Variants in DAB1 observed in about 807,000 individuals in gnomAD.
DAB1 encodes disabled homolog 1.
In DAB1, 15 loss-of-function variants were observed where a neutral mutation model predicts 64.6. The observed-to-expected ratio is 0.23, with a 90% CI of 0.16 to 0.36. The LOEUF (loss-of-function observed/expected upper bound fraction) is 0.36, where lower values mean the gene tolerates loss of function less well. Among genes scored for constraint, DAB1 ranks in the 10% least tolerant of loss-of-function variants. The pLI is 1.00. For synonymous variants in DAB1, 235 were observed against 251.9 expected, an observed-to-expected ratio of 0.93 and a Z score of 0.64; for missense variants, 596 against 706.7, an observed-to-expected ratio of 0.84 and a Z score of 1.78.
intron 4 of DAB1, among the ~76,000 whole-genome samples, chr1:58,167,918 C>T (rs770852729): frequency 6.6e-6 from 1 of 152,204 alleles, no homozygotes; most frequent in Non-Finnish European, 1.5e-5. Flanking sequence ...AACTGTAACA[C>T]TCACTGTGAG....
At chr1:58,411,226 A>G (rs1644664289) in intron 3 of DAB1, among the ~76,000 whole-genome samples, 1 of 152,192 alleles carries the variant, frequency 6.6e-6, no homozygotes, top group South Asian at 2.1e-4. Context: ...CAAAATCCTG[A>G]ATATCACATA....
chr1:57,336,221 C>T (rs1003957371), intron 1 of DAB1, among the ~76,000 whole-genome samples: 1 of 152,270 alleles, frequency 6.6e-6, no homozygotes, highest in South Asian at 2.1e-4. Flanking sequence ...CTTGTTATAG[C>T]TCTTGTCGTT....
chr1:57,454,663 T>A (rs998576086), intron 7 of DAB1, among the ~76,000 whole-genome samples: 8 of 152,004 alleles, frequency 5.3e-5, no homozygotes, highest in Admixed American at 3.3e-4. Context: ...AAAATTTTTT[T>A]TAAAAAGTGG....
At chr1:57,305,552 G>A (rs115665628) in intron 1 of DAB1, among the ~76,000 whole-genome samples, 2,219 of 152,252 alleles carry the variant, frequency 0.015, 63 homozygotes, top group African/African-American at 0.05. Flanking sequence ...CAAAGGCCCA[G>A]GTGAAGCCCT....
At chr1:57,377,743 T>A (rs1681025210) in intron 1 of DAB1, among the ~76,000 whole-genome samples, 1 of 152,062 alleles carries the variant, frequency 6.6e-6, no homozygotes, top group Admixed American at 6.5e-5. Flanking sequence ...CTGAGTAACC[T>A]TAGGTTTCAT....
rs190138912 is a variant in DAB1, at chr1:57,022,025, T to G, written c.895+1506A>C. Among the ~76,000 whole-genome samples the G allele has an allele frequency of 1.3e-3, 196 of 152,322 alleles. 1 individual carries two copies. The highest frequency in any genetic ancestry group is 4.5e-3 in the African/African-American group (188 of 41,564). ...TCACTTCTCATTTTTAAATATATTA[T>G]GCAAATTACTTATTTTTATGTTATT... On this transcript the variant is annotated intron_variant, in intron 11 of 14. Transcript: ENST00000371236.
At chr1:57,105,549 A>G (rs1557729336) in intron 4 of DAB1, among the ~76,000 whole-genome samples, 1 of 152,118 alleles carries the variant, frequency 6.6e-6, no homozygotes, top group Non-Finnish European at 1.5e-5. Flanking sequence ...TAAAAGTTCT[A>G]CCGTGAGCCA....
At chr1:57,255,076 A>G (rs936131623) in intron 2 of DAB1, among the ~76,000 whole-genome samples, 1 of 152,192 alleles carries the variant, frequency 6.6e-6, no homozygotes. Context: ...CTCAATAAAC[A>G]TCTCATGAAT....
At chr1:57,642,990 G>A (rs539493344) in intron 7 of DAB1, among the ~76,000 whole-genome samples, 1 of 152,300 alleles carries the variant, frequency 6.6e-6, no homozygotes. Flanking sequence ...AAGATAGGCA[G>A]GATGTGTGTT....
chr1:58,131,314 C>A (rs1402887851), intron 5 of DAB1, among the ~76,000 whole-genome samples: 1 of 140,196 alleles, frequency 7.1e-6, no homozygotes, highest in Non-Finnish European at 1.6e-5. Context: ...TCCATCAGCT[C>A]CTTTAAGCAC....
intron 1 of DAB1, among the ~76,000 whole-genome samples, chr1:57,863,374 T>G (rs1307940569): frequency 2.0e-5 from 3 of 152,164 alleles, no homozygotes; most frequent in African/African-American, 7.2e-5. Flanking sequence ...GTTTCACAGG[T>G]GTATACCTGT....
At chr1:58,146,497 C>A (rs59962900) in intron 5 of DAB1, among the ~76,000 whole-genome samples, 2,508 of 152,258 alleles carry the variant, frequency 0.016, 64 homozygotes, top group South Asian at 0.099. Context: ...TGATCTACAT[C>A]TCTCCATTTT....
At chr1:57,798,594 C>G (rs539544622) in intron 6 of DAB1, among the ~76,000 whole-genome samples, 3 of 152,216 alleles carry the variant, frequency 2.0e-5, no homozygotes, top group Non-Finnish European at 2.9e-5. Context: ...TGTGGTCTCA[C>G]CTCTCTGTGC....
intron 7 of DAB1, among the ~76,000 whole-genome samples, chr1:57,509,690 T>C (rs1432068210): frequency 2.0e-5 from 3 of 152,144 alleles, no homozygotes. Context: ...CCTTTCCTCC[T>C]GCTCCCATGC....
chr1:57,100,036 C>A (rs986957840), intron 4 of DAB1, among the ~76,000 whole-genome samples: 3 of 152,136 alleles, frequency 2.0e-5, no homozygotes, highest in African/African-American at 7.2e-5. Flanking sequence ...TATTCACAAA[C>A]AAAAGGTCAG....
chr1:57,966,953 G>A (rs912219357), intron 5 of DAB1, among the ~76,000 whole-genome samples: 1 of 152,150 alleles, frequency 6.6e-6, no homozygotes, highest in African/African-American at 2.4e-5. Flanking sequence ...TTACACTACT[G>A]GTTTTTAGTT....
chr1:57,953,449 T>G (rs1308947011), intron 5 of DAB1, among the ~76,000 whole-genome samples: 1 of 152,204 alleles, frequency 6.6e-6, no homozygotes, highest in African/African-American at 2.4e-5. Flanking sequence ...TAGGCAAGTT[T>G]ATAAATTCTG....
At chr1:58,494,587 C>A (rs1261427000) in intron 3 of DAB1, among the ~76,000 whole-genome samples, 1 of 152,086 alleles carries the variant, frequency 6.6e-6, no homozygotes, top group Non-Finnish European at 1.5e-5. Flanking sequence ...AAACAAACAA[C>A]CCCATCAAAA....
intron 7 of DAB1, among the ~76,000 whole-genome samples, chr1:57,593,850 C>G (rs1272312092): frequency 6.6e-6 from 1 of 152,338 alleles, no homozygotes; most frequent in African/African-American, 2.4e-5. Context: ...AACTAGGAAT[C>G]TTAGAGGGGA....
Sources: gnomAD v4.1 joint callset for allele counts (sites outside exome capture counted in the v4.1 genomes callset) on GRCh38, gnomAD v4.1.1 for gene constraint, MANE v1.5 for transcripts, NCBI Gene and HGNC (gene_info 2026-07-23, HGNC 2026-07-21) for gene names.